CYP2J2: variants seen among roughly 807,000 people sequenced by gnomAD.
The protein encoded by CYP2J2 is cytochrome P450 2J2.
Under a neutral mutation model 48.8 loss-of-function variants are expected in CYP2J2, and 41 were observed. The ratio of observed to expected loss-of-function variants is 0.84; its 90% CI spans 0.66 to 1.09. The LOEUF (loss-of-function observed/expected upper bound fraction) is 1.09. CYP2J2 is among the 50% of genes least tolerant of loss of function. CYP2J2 has a pLI of 0.00. For synonymous variants in CYP2J2, 221 were observed against 227.1 expected (o/e 0.97, Z 0.24); for missense variants, 644 against 617.3 (o/e 1.04, Z -0.46).
chr1:59,905,667 C>T (rs1308778459), intron 6 of CYP2J2, among the ~76,000 whole-genome samples: 1 of 152,214 alleles, frequency 6.6e-6, no homozygotes, highest in Admixed American at 6.5e-5. Context: ...GTTACTTACA[C>T]TCTTTAAACC....
the CYP2J2 span, among the ~76,000 whole-genome samples, chr1:59,938,631 G>A: frequency 1.3e-3 from 193 of 152,226 alleles, no homozygotes; most frequent in African/African-American, 3.9e-3. Flanking sequence ...GTTTTATACC[G>A]AGACATTCCG....
the CYP2J2 span, among the ~76,000 whole-genome samples, chr1:59,946,389 T>C: frequency 1.3e-5 from 2 of 152,236 alleles, no homozygotes; most frequent in Admixed American, 1.3e-4. Flanking sequence ...TAAGAATTTT[T>C]TCTGACTACT....
At chr1:59,945,681 A>G in the CYP2J2 span, among the ~76,000 whole-genome samples, 2 of 152,286 alleles carry the variant, frequency 1.3e-5, no homozygotes, top group Admixed American at 6.5e-5. Context: ...TATACACTTG[A>G]GAATCAGCTG....
At chr1:59,934,050 T>C in the CYP2J2 span, among the ~76,000 whole-genome samples, 1 of 151,904 alleles carries the variant, frequency 6.6e-6, no homozygotes, top group Non-Finnish European at 1.5e-5. Context: ...TAGAGACCAA[T>C]GAAACAGAAT....
the CYP2J2 span, among the ~76,000 whole-genome samples, chr1:59,956,914 C>T: frequency 1.2e-4 from 18 of 152,000 alleles, no homozygotes; most frequent in African/African-American, 4.3e-4. Context: ...AGCCATAAGC[C>T]ACCATGTAAG....
the CYP2J2 span, among the ~76,000 whole-genome samples, chr1:59,949,867 C>T: frequency 6.6e-6 from 1 of 151,968 alleles, no homozygotes; most frequent in African/African-American, 2.4e-5. Context: ...CAGTACCACC[C>T]CAGGACTTCT....
At chr1:59,932,165 T>C in the CYP2J2 span, among the ~76,000 whole-genome samples, 1 of 152,152 alleles carries the variant, frequency 6.6e-6, no homozygotes, top group Non-Finnish European at 1.5e-5. Flanking sequence ...TATTCTGAGG[T>C]ACTCTGTATA....
chr1:59,901,196 G>T lies in CYP2J2; in HGVS notation c.1192-93C>A, dbSNP rs763853328. ...GTCATCCTCCGGCTTCCTTGCCGGGGGCCTGAACATACTGCCCCACCCTCC... is the reference window on the plus strand; with the variant it reads ...GTCATCCTCCGGCTTCCTTGCCGGGTGCCTGAACATACTGCCCCACCCTCC... On this transcript the variant is annotated intron_variant, in intron 7 of 8. Transcript: ENST00000371204. 4.2e-5 allele frequency: 58 copies of T among 1,390,662 alleles called. No individual in the cohort carries two copies. The African/African-American group carries it at 7.7e-4, about 18-fold the overall frequency. The allele number at this position is 1,390,662 out of a possible 1,614,324, so 86.1% of individuals were successfully genotyped here.
chr1:59,896,430 A>G (rs1403587275), intron 8 of CYP2J2, among the ~76,000 whole-genome samples: 1 of 152,114 alleles, frequency 6.6e-6, no homozygotes, highest in Non-Finnish European at 1.5e-5. Context: ...TGTAGATTAC[A>G]TCAGATTCCA....
In CYP2J2 at chr1:59,912,150, T is replaced by A. The variant is rs1395140542; in HGVS notation, c.523+12A>T. The A allele has an allele frequency of 1.2e-6, 2 of 1,609,604 alleles. No individual in the cohort carries two copies. The highest frequency in any genetic ancestry group is 1.1e-5 in the South Asian group (1 of 90,134). ...GCCACAGTCTCTCACCTCTGTCATA[T>A]GCAATGCTCACCGTTCTCCTCTTTT... On this transcript the variant is annotated intron_variant, in intron 3 of 8. Transcript: ENST00000371204.
chr1:59,906,600 A>G (rs565322581), intron 6 of CYP2J2, among the ~76,000 whole-genome samples: 1 of 152,108 alleles, frequency 6.6e-6, no homozygotes, highest in South Asian at 2.1e-4. Flanking sequence ...TTGTTAGGCA[A>G]TCACTCTCCA....
At chr1:59,913,693 A>G (rs894358781) in intron 2 of CYP2J2, among the ~76,000 whole-genome samples, 2 of 151,576 alleles carry the variant, frequency 1.3e-5, no homozygotes, top group African/African-American at 2.4e-5. Context: ...TTATTTCCCT[A>G]CTGCTATTGG....
the CYP2J2 span, among the ~76,000 whole-genome samples, chr1:59,940,076 C>T: frequency 2.6e-5 from 4 of 152,294 alleles, no homozygotes; most frequent in East Asian, 1.9e-4. Flanking sequence ...CTACCCCCTG[C>T]GGCAGAGCTG....
intron 5 of CYP2J2, 146 bp downstream of exon 5, chr1:59,909,638 C>T: frequency 1.7e-6 from 1 of 588,048 alleles, no homozygotes. Context: ...TGATTTCATA[C>T]TTCTGATATC....
At chr1:59,911,547 A>C (rs1644413874) in intron 4 of CYP2J2, 61 bp downstream of exon 4, 1 of 1,261,428 alleles carries the variant, frequency 7.9e-7, no homozygotes, top group Admixed American at 2.7e-5. Flanking sequence ...GGAAAAACCC[A>C]TCTGTGGCTG....
chr1:59,900,907 C>G (rs377339449), intron 8 of CYP2J2, 58 bp downstream of exon 8: 15 of 1,572,682 alleles, frequency 9.5e-6, no homozygotes, highest in South Asian at 2.3e-5. Flanking sequence ...CAGGAGAGAG[C>G]AGGGGAGGGC....
chr1:59,897,474 G>A (rs192554329), intron 8 of CYP2J2, among the ~76,000 whole-genome samples: 2 of 152,330 alleles, frequency 1.3e-5, no homozygotes, highest in Middle Eastern at 3.4e-3. Flanking sequence ...TTAAAAGCAT[G>A]GAAACTAGGA....
At chr1:59,911,302 G>C (rs960746376) in intron 4 of CYP2J2, among the ~76,000 whole-genome samples, 1 of 152,146 alleles carries the variant, frequency 6.6e-6, no homozygotes, top group Non-Finnish European at 1.5e-5. Flanking sequence ...ACAGAGAGGA[G>C]AGACTCAAGG....
At chr1:59,914,227 A>T (rs75927907) in intron 2 of CYP2J2, among the ~76,000 whole-genome samples, 1 of 152,334 alleles carries the variant, frequency 6.6e-6, no homozygotes, top group African/African-American at 2.4e-5. Context: ...TATGGATTTT[A>T]TCTATTCTTC....
Sources: allele counts gnomAD v4.1 joint callset (sites outside exome capture counted in the v4.1 genomes callset), GRCh38; gene constraint gnomAD v4.1.1; transcripts MANE v1.5; gene names NCBI Gene and HGNC (gene_info 2026-07-23, HGNC 2026-07-21).